The following PLCZ1 variants were observed in gnomAD, a reference collection of about 807,000 sequenced individuals.
The protein encoded by PLCZ1 is phospholipase C zeta 1.
Under a neutral mutation model 76.8 loss-of-function variants are expected in PLCZ1, and 64 were observed. The ratio of observed to expected loss-of-function variants is 0.83; its 90% confidence interval spans 0.68 to 1.03. The LOEUF (loss-of-function observed/expected upper bound fraction) is 1.03, where lower values mean the gene tolerates loss of function less well. PLCZ1 is among the 50% of genes least tolerant of loss of function. The pLI, the probability that PLCZ1 is intolerant of heterozygous loss-of-function variation, is 0.00. For missense variants in PLCZ1, 751 were observed against 713.7 expected (o/e 1.05, Z -0.60); for synonymous variants, 248 against 230.8 (o/e 1.07, Z -0.68).
intron 12 of PLCZ1, chr12:18,693,251 C>T: frequency 1.3e-6 from 2 of 1,545,936 alleles, no homozygotes; most frequent in Non-Finnish European, 1.8e-6. Context: ...AGGTGCATAC[C>T]ATGATAGGGG....
intron 6 of PLCZ1, among the ~76,000 whole-genome samples, chr12:18,706,010 T>C (rs1325803763): frequency 6.6e-6 from 1 of 152,042 alleles, no homozygotes; most frequent in East Asian, 1.9e-4. Context: ...GTGGATCACC[T>C]GGGGTCAGGA....
the PLCZ1 span, among the ~76,000 whole-genome samples, chr12:18,651,128 A>G: frequency 6.6e-6 from 1 of 152,004 alleles, no homozygotes; most frequent in South Asian, 2.1e-4. Context: ...TCCTATGCTT[A>G]TAACATTCAA....
the PLCZ1 span, among the ~76,000 whole-genome samples, chr12:18,660,602 A>T: frequency 1.3e-5 from 2 of 152,332 alleles, no homozygotes; most frequent in East Asian, 3.9e-4. Context: ...AATGACCAGA[A>T]AAGACCTTAG....
intron 6 of PLCZ1, among the ~76,000 whole-genome samples, chr12:18,706,723 T>C (rs1956653748): frequency 1.3e-5 from 2 of 152,216 alleles, no homozygotes; most frequent in South Asian, 4.1e-4. Flanking sequence ...ATCACAAGTC[T>C]TACTGCATTT....
chr12:18,657,314 G>T, the PLCZ1 span, among the ~76,000 whole-genome samples: 263 of 152,274 alleles, frequency 1.7e-3, 4 homozygotes, highest in East Asian at 0.036. Context: ...AAATACCTGG[G>T]ATTTAGATGA....
Position 18,684,321 on chromosome 12 carries a change from A to G in PLCZ1, c.1592-42T>C, listed in dbSNP as rs748083105. The G allele has an allele frequency of 3.9e-6, 6 of 1,537,274 alleles. No individual in the cohort carries two copies. The Admixed American group carries it at 7.0e-5, about 18-fold the overall frequency. ...GAAGATACAAAGAATAATAGATACC[A>G]TATCTAGGAAAAAATAGATTACATT... On this transcript the variant is annotated intron_variant, in intron 13 of 14. Transcript: ENST00000266505.
chr12:18,650,308 TCTCTCTC>T, the PLCZ1 span, among the ~76,000 whole-genome samples: 35 of 89,140 alleles, frequency 3.9e-4, no homozygotes, highest in African/African-American at 2.1e-3. Context: ...TCTCTCTCTC[TCTCTCTC>T]TCTCTCTCTC....
chr12:18,688,489 T>A lies in PLCZ1; in HGVS notation c.1462-271A>T, dbSNP rs115362699. On this transcript the variant is annotated intron_variant, in intron 12 of 14. Coordinates refer to ENST00000266505, the MANE Select transcript of PLCZ1 (RefSeq NM_033123.4). ...TAACATATTTTTGTTTTAAAATCATTTGTTATGATCACATTTCAGGGAATT... is the reference window on the plus strand; with the variant it reads ...TAACATATTTTTGTTTTAAAATCATATGTTATGATCACATTTCAGGGAATT... 7.0e-3 allele frequency among the ~76,000 whole-genome samples: 1,068 copies of A among 152,114 alleles called. 9 individuals are homozygous for A. Among genetic ancestry groups the A allele is most frequent in the African/African-American group, 0.025 (1,020 of 41,522 alleles).
chr12:18,737,069 G>A (rs371559175), intron 2 of PLCZ1, among the ~76,000 whole-genome samples: 1 of 152,084 alleles, frequency 6.6e-6, no homozygotes, highest in Non-Finnish European at 1.5e-5. Flanking sequence ...ATTATAAAAG[G>A]TATAGGTAAA....
chr12:18,671,527 C>A, the PLCZ1 span, among the ~76,000 whole-genome samples: 1 of 152,112 alleles, frequency 6.6e-6, no homozygotes, highest in African/African-American at 2.4e-5. Context: ...ATGGAGGCAC[C>A]ACCCATGTGT....
chr12:18,725,389 C>T (rs555928970), intron 3 of PLCZ1, among the ~76,000 whole-genome samples: 50 of 152,198 alleles, frequency 3.3e-4, no homozygotes, highest in Middle Eastern at 3.4e-3. Flanking sequence ...TAAGAGAAAA[C>T]TGAAGCACAA....
In PLCZ1 at chr12:18,684,177, T is replaced by C. The variant is rs779603156; in HGVS notation, c.1694A>G (p.Asn565Ser). 3.7e-6 allele frequency: 6 copies of C among 1,612,146 alleles called. No homozygotes were observed. The highest frequency in any genetic ancestry group is 3.3e-5 in the South Asian group (3 of 91,064). ...CAAAGTATATTGCCCAAGAAATTCA[T>C]TTCCTGCTATTAAACCTTGACCTTC... Reference protein sequence around the residue: ...VVEGQGLIAGNEFLGQYTLPL... With the variant: ...VVEGQGLIAGSEFLGQYTLPL... Residue 565 changes from asparagine (N) to serine (S), a missense_variant, in exon 14 of 15, where the codon AAT (asparagine) becomes AGT (serine). By Grantham distance (46) the Asn-to-Ser change is conservative. Coordinates refer to ENST00000266505, the MANE Select transcript of PLCZ1 (RefSeq NM_033123.4).
At chr12:18,701,629 CCTCCTCCTCCT>C in intron 8 of PLCZ1, 52 bp downstream of exon 8, 1 of 1,583,408 alleles carries the variant, frequency 6.3e-7, no homozygotes. Context: ...TCCTCCTCCT[CCTCCTCCTCCT>C]CCTCCTCCTC....
chr12:18,708,046 A>G (rs1421696673), intron 6 of PLCZ1, among the ~76,000 whole-genome samples: 4 of 152,256 alleles, frequency 2.6e-5, no homozygotes, highest in Non-Finnish European at 5.9e-5. Context: ...TTCATTCAGC[A>G]TGAATACCAT....
chr12:18,710,521 G>A, intron 6 of PLCZ1, among the ~76,000 whole-genome samples: 1 of 151,986 alleles, frequency 6.6e-6, no homozygotes, highest in East Asian at 1.9e-4. Flanking sequence ...TGAGGCCGAA[G>A]GCTTTGAGAA....
intron 11 of PLCZ1, 92 bp from the exon 12 acceptor site, chr12:18,695,171 A>G (rs1954779631): frequency 8.2e-7 from 1 of 1,226,326 alleles, no homozygotes; most frequent in Non-Finnish European, 1.2e-6. Flanking sequence ...AATGGATTCT[A>G]TGTCCCCAAA....
chr12:18,664,130 G>T, the PLCZ1 span, among the ~76,000 whole-genome samples: 1 of 152,202 alleles, frequency 6.6e-6, no homozygotes, highest in African/African-American at 2.4e-5. Context: ...TAACAAGCGA[G>T]GGTCAGGATG....
chr12:18,705,353 C>T, intron 6 of PLCZ1, 38 bp from the exon 7 acceptor site: 3 of 1,610,940 alleles, frequency 1.9e-6, no homozygotes, highest in Non-Finnish European at 1.7e-6. Context: ...TTCATCAAAA[C>T]TTCTAAATAA....
At chr12:18,650,696 GTGTGTGTGTATATATCTATATATATATA>G in the PLCZ1 span, among the ~76,000 whole-genome samples, 49 of 43,698 alleles carry the variant, frequency 1.1e-3, 2 homozygotes, top group South Asian at 3.9e-3. Context: ...GTGTGTGTGT[GTGTGTGTGTATATATCTATATATATATA>G]TATATATATA....
Sources: allele counts gnomAD v4.1 joint callset (sites outside exome capture counted in the v4.1 genomes callset), GRCh38; gene constraint gnomAD v4.1.1; transcripts MANE v1.5; gene names NCBI Gene and HGNC (gene_info 2026-07-23, HGNC 2026-07-21).